Variants in SCYL2 observed in about 807,000 individuals in gnomAD.
The protein encoded by SCYL2 is SCY1 like pseudokinase 2.
In SCYL2, 36 loss-of-function variants were observed where a neutral mutation model predicts 100.4. The ratio of observed to expected loss-of-function variants is 0.36; its 90% CI spans 0.27 to 0.47. The LOEUF is 0.47. Among genes scored for constraint, SCYL2 ranks in the 20% least tolerant of loss-of-function variants. The pLI is 1.00. For missense variants in SCYL2, 902 were observed against 1,083.9 expected (o/e 0.83, Z 2.36); for synonymous variants, 330 against 359.2 (o/e 0.92, Z 0.92).
At chr12:100,312,363 G>A in intron 5 of SCYL2, 69 bp from the exon 6 acceptor site, 1 of 1,149,546 alleles carries the variant, frequency 8.7e-7, no homozygotes, top group Non-Finnish European at 1.3e-6. Flanking sequence ...TTTAAAGATA[G>A]ATTACTACTG....
rs1952350277 is a variant in SCYL2 at position 100,341,330 on chromosome 12, A to T, written c.*2158A>T. 6.6e-6 allele frequency: 1 copy of T among 152,174 alleles called. No individual in the cohort carries two copies. The highest frequency in any genetic ancestry group is 1.5e-5 in the Non-Finnish European group (1 of 67,998). The allele number at this position is 152,174 out of a possible 1,614,324, so 9.4% of individuals were successfully genotyped here. ...TTTCAAAGTACTAGATCACCTTAAA[A>T]TTATTTCACGTACTGAAGACAATTA... On this transcript the variant is annotated 3_prime_UTR_variant, in exon 18 of 18. Transcript: ENST00000360820.
intron 4 of SCYL2, among the ~76,000 whole-genome samples, chr12:100,306,958 A>C (rs2096335228): frequency 6.6e-6 from 1 of 152,220 alleles, no homozygotes; most frequent in Admixed American, 6.5e-5. Flanking sequence ...GACCTCTTCA[A>C]GGAGAACTAC....
intron 3 of SCYL2, among the ~76,000 whole-genome samples, chr12:100,295,183 G>C (rs1009575455): frequency 1.3e-5 from 2 of 150,612 alleles, no homozygotes; most frequent in African/African-American, 2.4e-5. Context: ...ATGGGATGGC[G>C]GCCGGACGGA....
chr12:100,307,358 A>G (rs2135890766), intron 4 of SCYL2, among the ~76,000 whole-genome samples: 1 of 152,332 alleles, frequency 6.6e-6, no homozygotes, highest in African/African-American at 2.4e-5. Context: ...CAACCATCTG[A>G]TCTTTGACAA....
chr12:100,279,106 T>C (rs1213554259), intron 1 of SCYL2, among the ~76,000 whole-genome samples: 1 of 152,224 alleles, frequency 6.6e-6, no homozygotes, highest in African/African-American at 2.4e-5. Flanking sequence ...ATAGCAGCAG[T>C]CCCCAACCTT....
intron 2 of SCYL2, among the ~76,000 whole-genome samples, chr12:100,284,030 A>C (rs942760862): frequency 1.2e-4 from 19 of 152,236 alleles, no homozygotes; most frequent in African/African-American, 4.1e-4. Context: ...ACTACCTAAA[A>C]ACTATTAATG....
At chr12:100,312,686 A>G in intron 6 of SCYL2, 33 bp downstream of exon 6, 1 of 1,478,366 alleles carries the variant, frequency 6.8e-7, no homozygotes, top group African/African-American at 1.4e-5. Flanking sequence ...CTTGCATTAA[A>G]AAATTTATTA....
At chr12:100,306,481 C>A (rs960495650) in intron 4 of SCYL2, among the ~76,000 whole-genome samples, 2 of 152,152 alleles carry the variant, frequency 1.3e-5, no homozygotes, top group African/African-American at 4.8e-5. Flanking sequence ...TCTCAATAAA[C>A]TAGGTTTTGA....
chr12:100,292,163 CAAG>C (rs377182895), intron 3 of SCYL2, among the ~76,000 whole-genome samples: 4 of 152,190 alleles, frequency 2.6e-5, no homozygotes, highest in African/African-American at 9.6e-5. Context: ...GTGAGAGTGA[CAAG>C]AAAATGAAAT....
At chr12:100,289,646 C>A (rs1417635141) in intron 2 of SCYL2, among the ~76,000 whole-genome samples, 1 of 152,074 alleles carries the variant, frequency 6.6e-6, no homozygotes, top group Non-Finnish European at 1.5e-5. Context: ...CATTTTTTAT[C>A]TCATTCCTTT....
intron 4 of SCYL2, among the ~76,000 whole-genome samples, chr12:100,306,524 A>T (rs1456709418): frequency 6.6e-6 from 1 of 152,252 alleles, no homozygotes; most frequent in Non-Finnish European, 1.5e-5. Context: ...AGAGCCATTT[A>T]TGACAAACTC....
At chr12:100,324,729 G>A (rs1451649771) in intron 11 of SCYL2, among the ~76,000 whole-genome samples, 1 of 152,156 alleles carries the variant, frequency 6.6e-6, no homozygotes, top group Non-Finnish European at 1.5e-5. Flanking sequence ...ACCTTGAAAA[G>A]TCACTGTGCC....
intron 4 of SCYL2, among the ~76,000 whole-genome samples, chr12:100,303,097 T>C (rs1465948057): frequency 6.6e-6 from 1 of 152,124 alleles, no homozygotes; most frequent in Non-Finnish European, 1.5e-5. Flanking sequence ...GTTTTTCAGC[T>C]CCATCGGGTC....
At chr12:100,314,400 ATT>A in intron 7 of SCYL2, 87 bp from the exon 8 acceptor site, 2 of 939,866 alleles carry the variant, frequency 2.1e-6, no homozygotes, top group Admixed American at 6.3e-5. Flanking sequence ...GTTTCTGAGT[ATT>A]TTTTTTACCA....
intron 11 of SCYL2, 137 bp downstream of exon 11, chr12:100,323,775 T>C (rs2096358874): frequency 2.0e-6 from 1 of 488,106 alleles, no homozygotes; most frequent in Non-Finnish European, 3.6e-6. Context: ...TATAGTACTA[T>C]AAAAATGAGC....
At chr12:100,325,621 A>G (rs1302023914) in intron 11 of SCYL2, among the ~76,000 whole-genome samples, 1 of 152,152 alleles carries the variant, frequency 6.6e-6, no homozygotes, top group Non-Finnish European at 1.5e-5. Flanking sequence ...TTCCCTGAAA[A>G]TAAAATTTTT....
intron 3 of SCYL2, among the ~76,000 whole-genome samples, chr12:100,295,751 G>A (rs898336183): frequency 4.6e-5 from 7 of 151,116 alleles, no homozygotes; most frequent in Non-Finnish European, 7.4e-5. Flanking sequence ...ATGGGGAGAC[G>A]GGGGAGACCG....
intron 4 of SCYL2, among the ~76,000 whole-genome samples, chr12:100,307,095 A>G (rs2096335457): frequency 6.6e-6 from 1 of 152,234 alleles, no homozygotes; most frequent in Non-Finnish European, 1.5e-5. Context: ...ATTCAGTGCT[A>G]TCCCCATCAA....
In SCYL2 at chr12:100,338,636, A is replaced by T; in HGVS notation, c.2254A>T (p.Met752Leu). The change falls in exon 18 of 18, where the codon ATG becomes TTG. Residue 752 changes from methionine to leucine, a missense_variant. Transcript: ENST00000360820. ...ASSTFTSVPS[M>L]GIGMMFSTPT... The stretch of plus-strand genomic sequence containing the variant: ...AAGTACTTTCACTTCTGTTCCTTCC[A>T]TGGGCATTGGTATGATGTTTTCTAC... 1 of 1,614,064 alleles carries T rather than the reference A, an allele frequency of 6.2e-7. No homozygotes were observed. Among genetic ancestry groups the T allele is most frequent in the Non-Finnish European group, 8.5e-7 (1 of 1,179,978 alleles).
Sources: allele counts gnomAD v4.1 joint callset (sites outside exome capture counted in the v4.1 genomes callset), GRCh38; gene constraint gnomAD v4.1.1; transcripts MANE v1.5; gene names NCBI Gene and HGNC (gene_info 2026-07-23, HGNC 2026-07-21).